Variants in THUMPD2 observed in about 807,000 individuals in gnomAD.
The protein encoded by THUMPD2 is U6 snRNA (guanine-N(2))-methyltransferase THUMPD2.
In THUMPD2, 56 loss-of-function variants were observed where a neutral mutation model predicts 49.4. The observed-to-expected ratio is 1.13, with a 90% CI of 0.91 to 1.41. THUMPD2 has a LOEUF of 1.41. THUMPD2 is among the 40% of genes most tolerant of loss of function. The pLI, the probability that THUMPD2 is intolerant of heterozygous loss-of-function variation, is 0.00. For synonymous variants in THUMPD2, 237 were observed against 205.2 expected (o/e 1.15, Z -1.32); for missense variants, 709 against 594.5 (o/e 1.19, Z -2.00).
chr2:39,747,068 A>G (rs1360781136), intron 8 of THUMPD2, among the ~76,000 whole-genome samples: 1 of 152,142 alleles, frequency 6.6e-6, no homozygotes, highest in Admixed American at 6.5e-5. Flanking sequence ...ACTTTTCCCC[A>G]AAGGACTTAG....
intron 9 of THUMPD2, among the ~76,000 whole-genome samples, chr2:39,743,827 A>G (rs1194537207): frequency 1.3e-5 from 2 of 152,242 alleles, no homozygotes; most frequent in African/African-American, 2.4e-5. Context: ...TTTTCTTTAC[A>G]AATTCTCTAG....
intron 5 of THUMPD2, among the ~76,000 whole-genome samples, chr2:39,764,232 A>G (rs1353723152): frequency 6.6e-6 from 1 of 152,210 alleles, no homozygotes; most frequent in Non-Finnish European, 1.5e-5. Flanking sequence ...AATTTATTCA[A>G]TGCTTACTGT....
chr2:39,771,770 T>C lies in THUMPD2; in HGVS notation c.127-130A>G, dbSNP rs1548878. 3 of 955,566 alleles carry C rather than the reference T, an allele frequency of 3.1e-6. No individual in the cohort carries two copies. In the African/African-American group the frequency reaches 5.1e-5, roughly 16 times the overall value. The allele number at this position is 955,566 out of a possible 1,614,324, so 59.2% of individuals were successfully genotyped here. On this transcript the variant is annotated intron_variant, in intron 1 of 9. Transcript: ENST00000505747. ...CTGAAGTATCTACTATTTGTCAGGC[T>C]CTGTACTAGGAACACTGAATAAGTA...
chr2:39,739,642 G>T (rs951601457), intron 9 of THUMPD2, among the ~76,000 whole-genome samples: 4 of 152,214 alleles, frequency 2.6e-5, no homozygotes, highest in African/African-American at 9.6e-5. Flanking sequence ...AAGTGCATGG[G>T]AGATGCAAAG....
At chr2:39,756,166 G>A (rs1283516782) in intron 6 of THUMPD2, among the ~76,000 whole-genome samples, 1 of 152,064 alleles carries the variant, frequency 6.6e-6, no homozygotes, top group East Asian at 1.9e-4. Flanking sequence ...TGATGGGGAT[G>A]ACCCAGTAGA....
At chr2:39,757,627 G>A (rs1676312695) in intron 6 of THUMPD2, among the ~76,000 whole-genome samples, 1 of 152,128 alleles carries the variant, frequency 6.6e-6, no homozygotes, top group Admixed American at 6.5e-5. Context: ...TCTTTAGATG[G>A]CTTTACTTTA....
intron 6 of THUMPD2, chr2:39,757,343 A>G (rs1236839788): frequency 1.6e-6 from 2 of 1,271,938 alleles, no homozygotes; most frequent in East Asian, 1.1e-4. Flanking sequence ...GTGCACAGCC[A>G]GGTTTCAGTC....
At chr2:39,749,724 C>G (rs1354701281) in intron 8 of THUMPD2, among the ~76,000 whole-genome samples, 1 of 152,100 alleles carries the variant, frequency 6.6e-6, no homozygotes, top group African/African-American at 2.4e-5. Flanking sequence ...GACCAGCATC[C>G]ATTAGCTATT....
At chr2:39,774,441 T>C (rs1025162088) in intron 1 of THUMPD2, among the ~76,000 whole-genome samples, 13 of 152,232 alleles carry the variant, frequency 8.5e-5, no homozygotes, top group Admixed American at 6.5e-4. Flanking sequence ...ATGGTAAAAA[T>C]GATTTAATTA....
At chr2:39,749,865 C>T (rs182110980) in intron 8 of THUMPD2, among the ~76,000 whole-genome samples, 1 of 152,122 alleles carries the variant, frequency 6.6e-6, no homozygotes, top group African/African-American at 2.4e-5. Flanking sequence ...TTTTCTGTTC[C>T]TGCGTTAGTT....
chr2:39,779,135 C>A lies in THUMPD2; in HGVS notation c.105G>T (p.Arg35=). The part of the protein sequence containing the change: ...GLEPFVMREV[R]ARLAATQVEY... ...TCACCTGCGTGGCCGCCAGCCGCGC[C>A]CGCACCTCTCGCATTACGAACGGCT... is the stretch of plus-strand genomic sequence containing the variant. Residue 35 remains arginine (R), a synonymous_variant, in exon 1 of 10, where the codon CGG becomes CGT. Transcript: ENST00000505747. The A allele has an allele frequency of 6.6e-7, 1 of 1,517,768 alleles. No individual in the cohort carries two copies. The highest frequency in any genetic ancestry group is 8.8e-7 in the Non-Finnish European group (1 of 1,138,830). 94.0% of individuals were successfully genotyped at this position (1,517,768 alleles called of 1,614,324 possible).
chr2:39,750,955 A>C (rs568835021), intron 8 of THUMPD2, among the ~76,000 whole-genome samples: 2 of 152,380 alleles, frequency 1.3e-5, no homozygotes, highest in South Asian at 4.1e-4. Flanking sequence ...GTTTGTTACA[A>C]AACAGAAGTG....
intron 7 of THUMPD2, 69 bp downstream of exon 7, chr2:39,755,820 T>G (rs1403403897): frequency 3.8e-5 from 48 of 1,254,962 alleles, no homozygotes; most frequent in Non-Finnish European, 5.2e-5. Context: ...TTGTAAATAA[T>G]TGGTGATTAT....
intron 9 of THUMPD2, among the ~76,000 whole-genome samples, chr2:39,737,864 G>T (rs1673330347): frequency 6.6e-6 from 1 of 152,168 alleles, no homozygotes; most frequent in Non-Finnish European, 1.5e-5. Context: ...GTGGAGAGGA[G>T]GCAGCTCTGA....
intron 5 of THUMPD2, among the ~76,000 whole-genome samples, chr2:39,765,112 T>G (rs1302872342): frequency 6.6e-6 from 1 of 152,182 alleles, no homozygotes; most frequent in Non-Finnish European, 1.5e-5. Flanking sequence ...GTGGTAAGAA[T>G]CTAATTAATA....
intron 1 of THUMPD2, among the ~76,000 whole-genome samples, chr2:39,774,275 A>C (rs1356871238): frequency 6.6e-6 from 1 of 152,260 alleles, no homozygotes; most frequent in Non-Finnish European, 1.5e-5. Flanking sequence ...TCTTTCTTAA[A>C]TGTATGTATA....
In THUMPD2 at chr2:39,766,299, A is replaced by T. The variant is rs1572854181; in HGVS notation, c.751-190T>A. ...TTAAGCAGAAGGAAACTAAATTTTA[A>T]GTACATTTCATAGAAAAATTCTGAG... On this transcript the variant is annotated intron_variant, in intron 4 of 9. Coordinates refer to ENST00000505747, the MANE Select transcript of THUMPD2 (RefSeq NM_025264.5). The T allele has an allele frequency of 9.4e-6, 4 of 427,378 alleles. No individual in the cohort carries two copies. In the East Asian group the frequency reaches 1.7e-4, roughly 18 times the overall value. 26.5% of individuals were successfully genotyped at this position (427,378 alleles called of 1,614,324 possible).
intron 6 of THUMPD2, among the ~76,000 whole-genome samples, chr2:39,756,728 G>T (rs975807286): frequency 6.6e-6 from 1 of 152,082 alleles, no homozygotes; most frequent in Admixed American, 6.6e-5. Context: ...GCTTTGGCTT[G>T]ACAATTATAC....
In THUMPD2 at chr2:39,779,134, C is replaced by T. The variant is rs962347209; in HGVS notation, c.106G>A (p.Ala36Thr). The change falls in exon 1 of 10, where the codon GCG (alanine) becomes ACG (threonine). Residue 36 changes from alanine to threonine, a missense_variant. By Grantham distance (58) the Ala-to-Thr change is moderately conservative. Transcript: ENST00000505747. ...LEPFVMREVR[A>T]RLAATQVEYI... ...CTCACCTGCGTGGCCGCCAGCCGCG[C>T]CCGCACCTCTCGCATTACGAACGGC... 1.1e-5 allele frequency: 16 copies of T among 1,517,332 alleles called. No individual in the cohort carries two copies. Among genetic ancestry groups the T allele is most frequent in the African/African-American group, 1.4e-5 (1 of 69,602 alleles). 94.0% of individuals were successfully genotyped at this position (1,517,332 alleles called of 1,614,324 possible). A position where few individuals can be genotyped will look rare whatever the true frequency, so the allele number is the denominator to read the frequency against.
Sources: allele counts gnomAD v4.1 joint callset (sites outside exome capture counted in the v4.1 genomes callset), GRCh38; gene constraint gnomAD v4.1.1; transcripts MANE v1.5; gene names NCBI Gene and HGNC (gene_info 2026-07-23, HGNC 2026-07-21).